The following KIF26B variants were observed in gnomAD, a reference collection of about 807,000 sequenced individuals.
The protein encoded by KIF26B is kinesin-like protein KIF26B.
KIF26B carries 63 observed loss-of-function variants against 151.2 expected under a neutral mutation model. The ratio of observed to expected loss-of-function variants is 0.42; its 90% CI spans 0.34 to 0.51. The LOEUF (loss-of-function observed/expected upper bound fraction) is 0.51. Among genes scored for constraint, KIF26B ranks in the 20% least tolerant of loss-of-function variants. The pLI, the probability that KIF26B is intolerant of heterozygous loss-of-function variation, is 0.07. For missense variants in KIF26B, 2,813 were observed against 2,913.6 expected (o/e 0.97, Z 0.79); for synonymous variants, 1,357 against 1,262.1 (o/e 1.08, Z -1.59).
intron 14 of KIF26B, among the ~76,000 whole-genome samples, chr1:245,699,710 G>T (rs146819912): frequency 6.6e-6 from 1 of 152,322 alleles, no homozygotes; most frequent in East Asian, 1.9e-4. Flanking sequence ...AATGCTGGAA[G>T]ACTCAGTCTG....
chr1:245,511,838 GA>G (rs1217388938), intron 4 of KIF26B, among the ~76,000 whole-genome samples: 1 of 152,218 alleles, frequency 6.6e-6, no homozygotes, highest in African/African-American at 2.4e-5. Context: ...ATTCAGGGAG[GA>G]AAAACAAGTC....
intron 2 of KIF26B, among the ~76,000 whole-genome samples, chr1:245,324,375 A>G (rs1378327060): frequency 6.6e-6 from 1 of 152,176 alleles, no homozygotes; most frequent in African/African-American, 2.4e-5. Context: ...CTTCTTATGG[A>G]ATTTTGAGAT....
At chr1:245,163,422 G>A (rs1668564044) in intron 2 of KIF26B, among the ~76,000 whole-genome samples, 1 of 152,214 alleles carries the variant, frequency 6.6e-6, no homozygotes, top group South Asian at 2.1e-4. Flanking sequence ...GATTCCAGGT[G>A]TGAGCCACTG....
At chr1:245,320,426 C>T (rs2102986733) in intron 2 of KIF26B, among the ~76,000 whole-genome samples, 1 of 152,346 alleles carries the variant, frequency 6.6e-6, no homozygotes, top group African/African-American at 2.4e-5. Flanking sequence ...TAGCATCTTG[C>T]CTTAGTGTGC....
chr1:245,437,551 G>A (rs1370189581), intron 4 of KIF26B, among the ~76,000 whole-genome samples: 6 of 152,170 alleles, frequency 3.9e-5, no homozygotes, highest in East Asian at 3.8e-4. Flanking sequence ...AAACCCGGGC[G>A]TGTGAGGAAC....
chr1:245,632,442 G>T (rs1309045753), intron 9 of KIF26B, among the ~76,000 whole-genome samples: 1 of 152,120 alleles, frequency 6.6e-6, no homozygotes, highest in East Asian at 1.9e-4. Flanking sequence ...TCTAACACAT[G>T]GTCTATCATG....
At chr1:245,479,682 C>T (rs940583743) in intron 4 of KIF26B, among the ~76,000 whole-genome samples, 5 of 151,806 alleles carry the variant, frequency 3.3e-5, no homozygotes, top group Non-Finnish European at 5.9e-5. Context: ...TGATAGAAAA[C>T]AATCCTTTCT....
In KIF26B at chr1:245,707,575, G is replaced by A. The variant is rs1420872753; in HGVS notation, c.*4969G>A. 6.6e-6 allele frequency: 1 copy of A among 152,228 alleles called. No homozygotes were observed. The highest frequency in any genetic ancestry group is 2.4e-5 in the African/African-American group (1 of 41,458). 9.4% of individuals were successfully genotyped at this position (152,228 alleles called of 1,614,324 possible). On this transcript the variant is annotated 3_prime_UTR_variant, in exon 15 of 15. Transcript: ENST00000407071. ...CGTGCATCGAGGTGGAGATTTGCTGGATCTGTCTGTGGCTATTTTTTTCCA... is the reference window on the plus strand; with the variant it reads ...CGTGCATCGAGGTGGAGATTTGCTGAATCTGTCTGTGGCTATTTTTTTCCA...
intron 2 of KIF26B, among the ~76,000 whole-genome samples, chr1:245,274,452 C>T (rs1670906267): frequency 6.6e-6 from 1 of 151,940 alleles, no homozygotes; most frequent in Non-Finnish European, 1.5e-5. Context: ...TCAACTCCCA[C>T]TTATGAGTGA....
At chr1:245,675,429 C>T (rs1430673457) in intron 10 of KIF26B, among the ~76,000 whole-genome samples, 1 of 152,170 alleles carries the variant, frequency 6.6e-6, no homozygotes, top group East Asian at 1.9e-4. Context: ...CCCATCCTAC[C>T]CTAAGATCTT....
intron 10 of KIF26B, among the ~76,000 whole-genome samples, chr1:245,658,600 C>G (rs1342765105): frequency 1.3e-5 from 2 of 152,126 alleles, no homozygotes; most frequent in Non-Finnish European, 2.9e-5. Context: ...CCATGTTGCC[C>G]AGGCTGGCTT....
In KIF26B at chr1:245,425,651, C is replaced by T. The variant is rs151220912; in HGVS notation, c.1166+5906C>T. Among the ~76,000 whole-genome samples the T allele has an allele frequency of 3.6e-3, 546 of 152,354 alleles. 4 individuals carry two copies. Among genetic ancestry groups the T allele is most frequent in the African/African-American group, 0.013 (527 of 41,586 alleles). ...CGATCTCCTGACCTCATGATCCTCC[C>T]GCCTCCGCCTCTCAAAGTGCTGGGA... On this transcript the variant is annotated intron_variant, in intron 4 of 14. Coordinates refer to ENST00000407071, the MANE Select transcript of KIF26B (RefSeq NM_018012.4).
intron 2 of KIF26B, among the ~76,000 whole-genome samples, chr1:245,212,499 G>A (rs772752977): frequency 6.6e-6 from 1 of 152,222 alleles, no homozygotes; most frequent in South Asian, 2.1e-4. Context: ...ATGCCTCCGG[G>A]CAGTTAAGGG....
chr1:245,296,698 C>G (rs61829584), intron 2 of KIF26B, among the ~76,000 whole-genome samples: 1 of 152,230 alleles, frequency 6.6e-6, no homozygotes, highest in Non-Finnish European at 1.5e-5. Context: ...ACGTCCTCGT[C>G]TTTATGAACT....
chr1:245,694,528 A>G (rs1056367223), intron 12 of KIF26B, among the ~76,000 whole-genome samples: 10 of 152,230 alleles, frequency 6.6e-5, no homozygotes, highest in African/African-American at 2.2e-4. Context: ...TAACCTCAGC[A>G]GCAGCATCTG....
At chr1:245,174,490 A>C (rs144038209) in intron 2 of KIF26B, among the ~76,000 whole-genome samples, 898 of 58,682 alleles carry the variant, frequency 0.015, 8 homozygotes, top group African/African-American at 0.024. Flanking sequence ...TTCAGCAACT[A>C]TGTATGTACT....
chr1:245,195,849 C>A (rs1012425025), intron 2 of KIF26B, among the ~76,000 whole-genome samples: 1 of 152,156 alleles, frequency 6.6e-6, no homozygotes, highest in African/African-American at 2.4e-5. Flanking sequence ...GCAGGGTGTG[C>A]TCGGAACCAT....
chr1:245,301,933 A>AC (rs1353325963), intron 2 of KIF26B, among the ~76,000 whole-genome samples: 1 of 151,904 alleles, frequency 6.6e-6, no homozygotes, highest in Non-Finnish European at 1.5e-5. Flanking sequence ...AGTAGGATCA[A>AC]CCCCCCAGTT....
chr1:245,555,522 C>T (rs956631191), intron 5 of KIF26B, among the ~76,000 whole-genome samples: 3 of 152,072 alleles, frequency 2.0e-5, no homozygotes, highest in Non-Finnish European at 4.4e-5. Flanking sequence ...CTCAGATGAG[C>T]GGGCGGTTGG....
Sources: gnomAD v4.1 joint callset for allele counts (sites outside exome capture counted in the v4.1 genomes callset) on GRCh38, gnomAD v4.1.1 for gene constraint, MANE v1.5 for transcripts, NCBI Gene and HGNC (gene_info 2026-07-23, HGNC 2026-07-21) for gene names.